The following GRAMD1B variants were observed in gnomAD, a reference collection of about 807,000 sequenced individuals.
GRAMD1B encodes protein Aster-B.
In GRAMD1B, 37 loss-of-function variants were observed where a neutral mutation model predicts 99.7. The observed-to-expected ratio is 0.37, with a 90% CI of 0.29 to 0.49. The LOEUF (loss-of-function observed/expected upper bound fraction) is 0.49, where lower values mean the gene tolerates loss of function less well. GRAMD1B is among the 20% of genes least tolerant of loss of function. GRAMD1B has a pLI of 0.98. For synonymous variants in GRAMD1B, 427 were observed against 387.6 expected (o/e 1.10, Z -1.19); for missense variants, 888 against 1,009.2 (o/e 0.88, Z 1.63).
chr11:123,424,865 A>G (rs1272248753), intron 1 of GRAMD1B, among the ~76,000 whole-genome samples: 1 of 152,206 alleles, frequency 6.6e-6, no homozygotes, highest in Non-Finnish European at 1.5e-5. Context: ...TATCCCAAGG[A>G]CTTCCTGAAC....
chr11:123,525,428 AG>A (rs34811823), intron 2 of GRAMD1B, among the ~76,000 whole-genome samples: 1 of 152,082 alleles, frequency 6.6e-6, no homozygotes, highest in African/African-American at 2.4e-5. Context: ...CCTCCCCCGC[AG>A]GGGTGGGGCA....
rs74472293 is a variant in GRAMD1B at position 123,510,382 on chromosome 11, C to T, written c.452+29489C>T. Among the ~76,000 whole-genome samples, 1,625 of 152,244 alleles carry T rather than the reference C, an allele frequency of 0.011. 40 individuals carry two copies. The highest frequency in any genetic ancestry group is 0.037 in the African/African-American group (1,528 of 41,536). On this transcript the variant is annotated intron_variant, in intron 2 of 19. Transcript: ENST00000635736. This position sits in a 1 kb window ranked among gnomAD's most constrained non-coding sequence, Gnocchi z 4.3. ...GGGGAGCCTGGGAAGACCCACACTT[C>T]GCTCCTGGGAAGAAGTACCAGGCCA...
intron 1 of GRAMD1B, among the ~76,000 whole-genome samples, chr11:123,467,957 G>T (rs184573368): frequency 7.3e-5 from 11 of 151,656 alleles, no homozygotes; most frequent in Non-Finnish European, 1.5e-4. Flanking sequence ...TCTGCCTCCC[G>T]GGTTCAGGCG....
At chr11:123,384,384 C>T (rs1224073745) in intron 1 of GRAMD1B, among the ~76,000 whole-genome samples, 2 of 152,132 alleles carry the variant, frequency 1.3e-5, no homozygotes, top group Admixed American at 1.3e-4. Flanking sequence ...TTATGTCTTT[C>T]TTCTTGAAAT....
At chr11:123,410,259 A>C (rs1454066491) in intron 1 of GRAMD1B, among the ~76,000 whole-genome samples, 3 of 152,122 alleles carry the variant, frequency 2.0e-5, no homozygotes, top group Non-Finnish European at 4.4e-5. Flanking sequence ...CAAACAAACA[A>C]AAAAACCAGA....
rs748956557 is a variant in GRAMD1B at position 123,614,764 on chromosome 11, T to A, written c.2247T>A (p.His749Gln). The A allele has an allele frequency of 1.9e-6, 3 of 1,611,274 alleles. No homozygotes were observed. In the African/African-American group the frequency reaches 4.0e-5, roughly 22 times the overall value. The part of the protein sequence containing the change: ...KHVAGSTQTR[H>Q]IPEDTPNGFH... ...CCACAGGTTCCACACAGACGCGGCA[T>A]ATCCCGGAGGACACCCCCAACGGTT... The change falls in exon 17 of 20, where the codon CAT becomes CAA. Residue 749 changes from histidine (H) to glutamine (Q), a missense_variant. Transcript: ENST00000635736.
chr11:123,485,451 T>C (rs1483546429), intron 2 of GRAMD1B, among the ~76,000 whole-genome samples: 2 of 152,180 alleles, frequency 1.3e-5, no homozygotes, highest in Non-Finnish European at 2.9e-5. Context: ...GAGAAAGATT[T>C]TTTCCTTATT....
chr11:123,558,054 G>A (rs768539034), intron 2 of GRAMD1B, among the ~76,000 whole-genome samples: 10 of 149,636 alleles, frequency 6.7e-5, no homozygotes, highest in Non-Finnish European at 1.0e-4. Flanking sequence ...TGCGATCATG[G>A]CTCACAGCAA....
intron 2 of GRAMD1B, among the ~76,000 whole-genome samples, chr11:123,481,507 A>G (rs1951606106): frequency 6.6e-6 from 1 of 152,196 alleles, no homozygotes; most frequent in African/African-American, 2.4e-5. Context: ...GACTTGAGTC[A>G]TGCCCTATAG....
rs938874822 is a variant in GRAMD1B, at chr11:123,492,835, C to T, written c.452+11942C>T. ...CAGTAGGTGGCTTAACCTCAATCCTCTCTCTCTCTCTGTCTCTCTCTTTCA... is the reference window on the plus strand; with the variant it reads ...CAGTAGGTGGCTTAACCTCAATCCTTTCTCTCTCTCTGTCTCTCTCTTTCA... On this transcript the variant is annotated intron_variant, in intron 2 of 19. Coordinates refer to ENST00000635736, the MANE Select transcript of GRAMD1B (RefSeq NM_001387025.1). This position sits in a 1 kb window ranked among gnomAD's most constrained non-coding sequence, Gnocchi z 4.2. 6.9e-6 allele frequency among the ~76,000 whole-genome samples: 1 copy of T among 144,858 alleles called. No individual in the cohort carries two copies. Among genetic ancestry groups the T allele is most frequent in the East Asian group, 2.0e-4 (1 of 5,036 alleles).
At chr11:123,377,409 G>A (rs992932509) in intron 1 of GRAMD1B, among the ~76,000 whole-genome samples, 9 of 152,302 alleles carry the variant, frequency 5.9e-5, no homozygotes, top group South Asian at 2.1e-4. Context: ...AGCAAAATGC[G>A]TGGTGGGTGC....
At chr11:123,520,337 C>T (rs1286597435) in intron 2 of GRAMD1B, among the ~76,000 whole-genome samples, 2 of 152,186 alleles carry the variant, frequency 1.3e-5, no homozygotes, top group Non-Finnish European at 1.5e-5. Context: ...GCAGGTAACA[C>T]AAAATCTTGT....
At chr11:123,520,457 A>T (rs1942086920) in intron 2 of GRAMD1B, among the ~76,000 whole-genome samples, 2 of 152,118 alleles carry the variant, frequency 1.3e-5, no homozygotes, top group Admixed American at 1.3e-4. Context: ...AATTGTTTGC[A>T]TTGAATAGTT....
chr11:123,368,679 C>CAAA (rs58877377), intron 1 of GRAMD1B, among the ~76,000 whole-genome samples: 1,034 of 77,574 alleles, frequency 0.013, 74 homozygotes, highest in African/African-American at 0.047. Context: ...GACTCTGTCT[C>CAAA]AAAAAAAAAA....
chr11:123,405,767 G>A (rs1469207428), intron 1 of GRAMD1B, among the ~76,000 whole-genome samples: 1 of 152,192 alleles, frequency 6.6e-6, no homozygotes, highest in Non-Finnish European at 1.5e-5. Flanking sequence ...TAGGCAAGAT[G>A]CTATAGTGAA....
intron 1 of GRAMD1B, among the ~76,000 whole-genome samples, chr11:123,379,146 C>G (rs559757031): frequency 6.6e-6 from 1 of 152,124 alleles, no homozygotes; most frequent in East Asian, 1.9e-4. Context: ...CCCAAATTCT[C>G]GCTTACTGCA....
rs544289009 is a variant in GRAMD1B, at chr11:123,375,401, A to T, written c.-176+16602A>T. On this transcript the variant is annotated intron_variant, in intron 1 of 20. Coordinates refer to the GRAMD1B transcript ENST00000638157. ...TAGCAACATCTGGTTTCTATTAAAT[A>T]AAAAAAAAAGAGAGAGAGACAAGCA... Among the ~76,000 whole-genome samples the T allele has an allele frequency of 1.9e-3, 277 of 147,504 alleles. 1 individual carries two copies. Among genetic ancestry groups the T allele is most frequent in the African/African-American group, 6.6e-3 (256 of 38,606 alleles).
In GRAMD1B at chr11:123,610,035, G is replaced by A; in HGVS notation, c.1776+122G>A. On this transcript the variant is annotated intron_variant, in intron 13 of 19. Coordinates refer to ENST00000635736, the MANE Select transcript of GRAMD1B (RefSeq NM_001387025.1). This position sits in a 1 kb window ranked among gnomAD's most constrained non-coding sequence, Gnocchi z 4.1. ...GCAAGTGTCATTTTGCCCCAAAGCG[G>A]TGGTGGCGTCTTGCTTGTTTAGTTG... 1 of 839,344 alleles carries A rather than the reference G, an allele frequency of 1.2e-6. No homozygotes were observed. 52.0% of individuals were successfully genotyped at this position (839,344 alleles called of 1,614,324 possible).
chr11:123,448,022 A>G (rs571488783), intron 1 of GRAMD1B, among the ~76,000 whole-genome samples: 1 of 147,890 alleles, frequency 6.8e-6, no homozygotes, highest in Non-Finnish European at 1.5e-5. Context: ...TTCTTCTTTT[A>G]TATATGTATT....
Sources: gnomAD v4.1 joint callset for allele counts (sites outside exome capture counted in the v4.1 genomes callset) on GRCh38, gnomAD v4.1.1 for gene constraint, Gnocchi (gnomAD v3.1) non-coding constraint, MANE v1.5 for transcripts, NCBI Gene and HGNC (gene_info 2026-07-23, HGNC 2026-07-21) for gene names.